CDH4: variants seen among roughly 807,000 people sequenced by gnomAD.
CDH4 encodes cadherin-4.
CDH4 carries 33 observed loss-of-function variants against 86.0 expected under a neutral mutation model. The ratio of observed to expected loss-of-function variants is 0.38; its 90% CI spans 0.29 to 0.51. CDH4 has a LOEUF of 0.51. CDH4 is among the 20% of genes least tolerant of loss of function. The probability of loss-of-function intolerance (pLI) is 0.86; values close to 1 mark genes in which losing one functional copy is unlikely to be tolerated. For missense variants in CDH4, 1,114 were observed against 1,307.4 expected (o/e 0.85, Z 2.28); for synonymous variants, 555 against 549.4 (o/e 1.01, Z -0.14).
intron 2 of CDH4, among the ~76,000 whole-genome samples, chr20:61,259,592 A>G (rs929198496): frequency 1.3e-5 from 2 of 152,188 alleles, no homozygotes; most frequent in African/African-American, 4.8e-5. Context: ...ATATTCCCAT[A>G]AGTGGCACTA....
intron 11 of CDH4, among the ~76,000 whole-genome samples, chr20:61,927,448 C>A (rs904495790): frequency 2.0e-5 from 3 of 152,218 alleles, no homozygotes; most frequent in African/African-American, 7.2e-5. Context: ...CCAAGGAGAC[C>A]TCCTGCCGGG....
At chr20:61,376,990 C>A (rs538498695) in intron 2 of CDH4, among the ~76,000 whole-genome samples, 15 of 152,304 alleles carry the variant, frequency 9.8e-5, no homozygotes, top group Non-Finnish European at 1.9e-4. Flanking sequence ...ACTCTTTCAT[C>A]CCAACCAGTG....
Position 61,474,045 on chromosome 20 carries a change from C to T in CDH4, c.169+219108C>T, listed in dbSNP as rs371366055. On this transcript the variant is annotated intron_variant, in intron 2 of 15. Coordinates refer to ENST00000614565, the MANE Select transcript of CDH4 (RefSeq NM_001794.5). ...GATGACTCTGGCTTACTGTAAAGAT[C>T]CAGGCTGTTCTGCTGACAGCCACAG... Among the ~76,000 whole-genome samples, 7 of 152,106 alleles carry T rather than the reference C, an allele frequency of 4.6e-5. No individual in the cohort carries two copies. The South Asian group carries it at 1.5e-3, about 32-fold the overall frequency.
intron 4 of CDH4, among the ~76,000 whole-genome samples, chr20:61,798,649 C>T (rs1979673287): frequency 1.3e-5 from 2 of 152,368 alleles, no homozygotes; most frequent in Non-Finnish European, 2.9e-5. Flanking sequence ...TACTCATGGA[C>T]ACCAGCACGC....
intron 2 of CDH4, among the ~76,000 whole-genome samples, chr20:61,520,160 A>G (rs115128352): frequency 7.3e-4 from 111 of 152,310 alleles, no homozygotes; most frequent in African/African-American, 2.2e-3. Flanking sequence ...CCATGGAGAC[A>G]CCAACTCAAC....
intron 2 of CDH4, among the ~76,000 whole-genome samples, chr20:61,654,925 G>A (rs376713270): frequency 2.7e-4 from 17 of 62,294 alleles, no homozygotes; most frequent in African/African-American, 6.9e-4. Context: ...GGGGGCCTGA[G>A]CCAGCCTCGC....
intron 2 of CDH4, among the ~76,000 whole-genome samples, chr20:61,586,708 T>C (rs2086478704): frequency 6.6e-6 from 1 of 152,174 alleles, no homozygotes; most frequent in African/African-American, 2.4e-5. Context: ...AGAGCTGGTA[T>C]CTAAACCCAG....
intron 2 of CDH4, among the ~76,000 whole-genome samples, chr20:61,441,990 A>G (rs889946007): frequency 1.3e-5 from 2 of 152,222 alleles, no homozygotes; most frequent in African/African-American, 4.8e-5. Flanking sequence ...CAGATTTCAA[A>G]TCCAATCGTT....
At position 61,754,794 on chromosome 20, in the gene CDH4, G is replaced by GCCACACACA. The variant is rs1165921828; in HGVS notation, c.396+11016_396+11024dup. On this transcript the variant is annotated intron_variant, in intron 3 of 15. Transcript: ENST00000614565. The surrounding 1 kb of genome is among the most constrained non-coding windows in gnomAD (Gnocchi z 4.7). Reference sequence around the variant, plus strand: ...CACACACACCACACACACACTGCACGCCACACACACCACACACACGATGCA... The same window carrying GCCACACACA: ...CACACACACCACACACACACTGCACGCCACACACACCACACACACCACACACACGATGCA... Among the ~76,000 whole-genome samples, 7 of 135,702 alleles carry GCCACACACA rather than the reference G, an allele frequency of 5.2e-5. No homozygotes were observed. The highest frequency in any genetic ancestry group is 2.0e-4 in the African/African-American group (7 of 35,496). 89.0% of individuals were successfully genotyped at this position (135,702 alleles called of 152,430 possible).
At chr20:61,722,316 C>T (rs1428501143) in intron 2 of CDH4, among the ~76,000 whole-genome samples, 1 of 152,158 alleles carries the variant, frequency 6.6e-6, no homozygotes, top group East Asian at 1.9e-4. Context: ...ACCTCTAGCC[C>T]AGCGTGCTGG....
At chr20:61,761,733 C>T (rs1053624051) in intron 3 of CDH4, among the ~76,000 whole-genome samples, 7 of 152,166 alleles carry the variant, frequency 4.6e-5, no homozygotes, top group Admixed American at 2.0e-4. Flanking sequence ...GTGAATAACG[C>T]GCAGAAGACG....
intron 2 of CDH4, among the ~76,000 whole-genome samples, chr20:61,713,741 A>G (rs540423267): frequency 2.0e-4 from 30 of 152,324 alleles, no homozygotes; most frequent in African/African-American, 4.8e-4. Context: ...GGGGCTCCCC[A>G]TGGGCCGCAG....
rs373026945 is a variant in CDH4, at chr20:61,916,807, C to A, written c.1374+6200C>A. ...TTTGTCAGGTACACACTGGAAGCCC[C>A]AAATCCAGCAATGCAGCAGTGTGCT... On this transcript the variant is annotated intron_variant, in intron 9 of 15. Transcript: ENST00000614565. Among the ~76,000 whole-genome samples, 21 of 152,354 alleles carry A rather than the reference C, an allele frequency of 1.4e-4. No homozygotes were observed. In the East Asian group the frequency reaches 3.9e-3, roughly 28 times the overall value.
At chr20:61,723,980 G>GC (rs35255886) in intron 2 of CDH4, among the ~76,000 whole-genome samples, 5 of 79,270 alleles carry the variant, frequency 6.3e-5, no homozygotes, top group East Asian at 6.3e-4. Context: ...CATGTGGCAG[G>GC]GGGGTAGGTC....
chr20:61,864,586 C>G (rs1298187422), intron 6 of CDH4, among the ~76,000 whole-genome samples: 1 of 152,178 alleles, frequency 6.6e-6, no homozygotes, highest in Admixed American at 6.5e-5. Context: ...ACTCCAGACA[C>G]AAGGGGCCGT....
chr20:61,745,177 C>T (rs1166933979), intron 3 of CDH4, among the ~76,000 whole-genome samples: 1 of 152,232 alleles, frequency 6.6e-6, no homozygotes, highest in African/African-American at 2.4e-5. Context: ...GGAAGTAAAG[C>T]GTTAAGCAGA....
chr20:61,303,763 G>A (rs1321166012), intron 2 of CDH4, among the ~76,000 whole-genome samples: 6 of 152,220 alleles, frequency 3.9e-5, no homozygotes, highest in Non-Finnish European at 5.9e-5. Context: ...CTGTGCATCT[G>A]TGCCCACCCC....
chr20:61,932,940 G>A (rs769606812), intron 13 of CDH4, 45 bp from the exon 14 acceptor site: 50 of 1,592,490 alleles, frequency 3.1e-5, no homozygotes, highest in South Asian at 2.2e-4. Flanking sequence ...GCACACATGC[G>A]CACACCCGCA....
At chr20:61,714,994 T>C (rs910363786) in intron 2 of CDH4, among the ~76,000 whole-genome samples, 4 of 152,328 alleles carry the variant, frequency 2.6e-5, no homozygotes, top group African/African-American at 7.2e-5. Context: ...CATGCTGTTT[T>C]CCATAGAGGT....
Sources: gnomAD v4.1 joint callset for allele counts (sites outside exome capture counted in the v4.1 genomes callset) on GRCh38, gnomAD v4.1.1 for gene constraint, Gnocchi (gnomAD v3.1) non-coding constraint, MANE v1.5 for transcripts, NCBI Gene and HGNC (gene_info 2026-07-23, HGNC 2026-07-21) for gene names.